The following EPS15L1 variants were observed in gnomAD, a reference collection of about 807,000 sequenced individuals.
EPS15L1 encodes the protein epidermal growth factor receptor pathway substrate 15 like 1, also known as epidermal growth factor receptor substrate 15-like 1.
In EPS15L1, 43 loss-of-function variants were observed where a neutral mutation model predicts 117.1. The ratio of observed to expected loss-of-function variants is 0.37; its 90% CI spans 0.29 to 0.47. The LOEUF (loss-of-function observed/expected upper bound fraction) is 0.47, where lower values mean the gene tolerates loss of function less well. EPS15L1 is among the 20% of genes least tolerant of loss of function. The pLI is 0.99. For synonymous variants in EPS15L1, 459 were observed against 470.5 expected, an observed-to-expected ratio of 0.98 and a Z score of 0.32; for missense variants, 981 against 1,164.0, an observed-to-expected ratio of 0.84 and a Z score of 2.29.
At chr19:16,460,686 C>T (rs2093240016) in intron 1 of EPS15L1, among the ~76,000 whole-genome samples, 2 of 152,222 alleles carry the variant, frequency 1.3e-5, no homozygotes, top group African/African-American at 4.8e-5. Context: ...CCAAAGCCAG[C>T]ACGGGGGTGC....
intron 16 of EPS15L1, chr19:16,400,855 CAACTTTTATCCAAGAA>C (rs2092593612): frequency 6.1e-6 from 6 of 985,326 alleles, no homozygotes; most frequent in Non-Finnish European, 7.2e-6. Flanking sequence ...ACTTCACTGC[CAACTTTTATCCAAGAA>C]AACCGGTTTC....
rs139694029 is a variant in EPS15L1, at chr19:16,377,150, A to C, written c.2352T>G (p.Pro784=). The C allele has an allele frequency of 1.4e-3, 2,217 of 1,608,920 alleles. 2 individuals carry two copies. Among genetic ancestry groups the C allele is most frequent in the Middle Eastern group, 2.3e-3 (14 of 6,020 alleles). ...TGGGCGGTTTAGGCCGTGGAGGAGCAGGTTTCTTCGGAGGCAGAGCAGGAG... is the reference window on the plus strand; with the variant it reads ...TGGGCGGTTTAGGCCGTGGAGGAGCCGGTTTCTTCGGAGGCAGAGCAGGAG... ...QDTPALPPKK[P]APPRPKPPSG... Residue 784 remains proline, a synonymous_variant, in exon 22 of 24, where the codon CCT becomes CCG. Coordinates refer to ENST00000455140, the MANE Select transcript of EPS15L1 (RefSeq NM_001258374.3).
At chr19:16,358,555 C>T (rs1476770199) in intron 23 of EPS15L1, among the ~76,000 whole-genome samples, 1 of 152,178 alleles carries the variant, frequency 6.6e-6, no homozygotes, top group African/African-American at 2.4e-5. Context: ...GGCATGACAC[C>T]ACCCTAGCCG....
At chr19:16,444,642 T>G (rs1178890800) in intron 1 of EPS15L1, among the ~76,000 whole-genome samples, 1 of 151,638 alleles carries the variant, frequency 6.6e-6, no homozygotes, top group East Asian at 1.9e-4. Context: ...GTTCACAGAC[T>G]CCAGAGGCCC....
Position 16,381,518 on chromosome 19 carries a change from G to C in EPS15L1, c.2247+3611C>G, listed in dbSNP as rs970596668. The stretch of plus-strand genomic sequence containing the variant: ...AGAGTGACAGAGCTCGGAAGGCTCC[G>C]GCAAGAAGGAAATGAGGTGCCATGT... On this transcript the variant is annotated intron_variant, in intron 21 of 23. Coordinates refer to ENST00000455140, the MANE Select transcript of EPS15L1 (RefSeq NM_001258374.3). This position sits in a 1 kb window ranked among gnomAD's most constrained non-coding sequence, Gnocchi z 4.2. 6.6e-6 allele frequency among the ~76,000 whole-genome samples: 1 copy of C among 152,156 alleles called. No homozygotes were observed. Among genetic ancestry groups the C allele is most frequent in the Admixed American group, 6.5e-5 (1 of 15,282 alleles).
chr19:16,391,673 A>G (rs1276076478), intron 19 of EPS15L1, among the ~76,000 whole-genome samples: 1 of 145,666 alleles, frequency 6.9e-6, no homozygotes, highest in Non-Finnish European at 1.5e-5. Context: ...TATTTAACCC[A>G]ATCTCTTGGG....
rs1426713069 is a variant in EPS15L1 at position 16,365,260 on chromosome 19, C to G, written c.2381-3276G>C. Among the ~76,000 whole-genome samples, 1 of 152,220 alleles carries G rather than the reference C, an allele frequency of 6.6e-6. No individual in the cohort carries two copies. Among genetic ancestry groups the G allele is most frequent in the Admixed American group, 6.5e-5 (1 of 15,288 alleles). ...ATCCAAACAAAGGGCTGTGTCCCCC[C>G]AACAATTGTTCATACGTTCAAGTCC... On this transcript the variant is annotated intron_variant, in intron 22 of 23. Transcript: ENST00000455140. The surrounding 1 kb of genome is among the most constrained non-coding windows in gnomAD (Gnocchi z 4.9).
chr19:16,460,922 A>C (rs1289687460), intron 1 of EPS15L1, among the ~76,000 whole-genome samples: 2 of 152,190 alleles, frequency 1.3e-5, no homozygotes, highest in Non-Finnish European at 2.9e-5. Flanking sequence ...TTCGTGTTTC[A>C]TCTTTCCCCT....
intron 18 of EPS15L1, among the ~76,000 whole-genome samples, chr19:16,393,117 A>ATAATAT (rs1384468897): frequency 6.6e-5 from 9 of 136,100 alleles, no homozygotes; most frequent in Non-Finnish European, 1.4e-4. Flanking sequence ...AATAATAATA[A>ATAATAT]TAATAATAAA....
At position 16,464,933 on chromosome 19, in the gene EPS15L1, G is replaced by A. The variant is rs957934472; in HGVS notation, c.33+6980C>T. The stretch of plus-strand genomic sequence containing the variant: ...TCTCTACTAAAAATACAAAAAATTA[G>A]CCAGGTGTGGTGGCGGGTGCCTGTA... On this transcript the variant is annotated intron_variant, in intron 1 of 23. Transcript: ENST00000455140. Among the ~76,000 whole-genome samples, 3 of 152,202 alleles carry A rather than the reference G, an allele frequency of 2.0e-5. 1 individual carries two copies. In the South Asian group the frequency reaches 6.2e-4, roughly 32 times the overall value.
chr19:16,401,220 C>T (rs2092597812), intron 16 of EPS15L1: 10 of 985,498 alleles, frequency 1.0e-5, no homozygotes, highest in Non-Finnish European at 1.1e-5. Context: ...GGGCCAGACA[C>T]AAGAGACAGA....
Position 16,428,500 on chromosome 19 carries a change from GGAGA to G in EPS15L1, c.558+198_558+201del, listed in dbSNP as rs1178688061. ...GGGAGAGAGGGAGGGAGGGAGGGAG[GGAGA>G]GAGAGAGAGAAAGAAAGTGAAAGAA... On this transcript the variant is annotated intron_variant, in intron 8 of 23. Transcript: ENST00000455140. Among the ~76,000 whole-genome samples, 20 of 109,114 alleles carry G rather than the reference GGAGA, an allele frequency of 1.8e-4. No individual in the cohort carries two copies. In the South Asian group the frequency reaches 3.5e-3, roughly 19 times the overall value. The allele number at this position is 109,114 out of a possible 152,430, so 71.6% of individuals were successfully genotyped here. A position where few individuals can be genotyped will look rare whatever the true frequency, so the allele number is the denominator to read the frequency against.
intron 3 of EPS15L1, chr19:16,441,135 C>T: frequency 1.7e-6 from 1 of 580,100 alleles, no homozygotes; most frequent in Non-Finnish European, 3.1e-6. Flanking sequence ...GCACTCAGCT[C>T]CCAAGCCAAT....
chr19:16,402,381 G>A lies in EPS15L1; in HGVS notation c.1731C>T (p.Thr577=), dbSNP rs772605278. 2.6e-5 allele frequency: 42 copies of A among 1,613,928 alleles called. 1 individual carries two copies. The highest frequency in any genetic ancestry group is 3.3e-4 in the Middle Eastern group (2 of 6,084). Residue 577 remains threonine, a synonymous_variant, in exon 16 of 24, where the codon ACC becomes ACT. Coordinates refer to ENST00000455140, the MANE Select transcript of EPS15L1 (RefSeq NM_001258374.3). ...VLDGAHGASL[T]DLANLSEGVS... Reference sequence around the variant, plus strand: ...CGCCTTCGCTCAGGTTGGCCAGGTCGGTCAGGCTGGCACCATGGGCTCCAT... The same window carrying A: ...CGCCTTCGCTCAGGTTGGCCAGGTCAGTCAGGCTGGCACCATGGGCTCCAT...
At chr19:16,412,974 A>G (rs547585162) in intron 13 of EPS15L1, 10 of 672,492 alleles carry the variant, frequency 1.5e-5, no homozygotes, top group Admixed American at 4.0e-5. Context: ...ATCTGAGATC[A>G]TTGACTTTTG....
Position 16,361,837 on chromosome 19 carries a change from G to T in EPS15L1, c.2528C>A (p.Pro843His). 1 of 1,614,028 alleles carries T rather than the reference G, an allele frequency of 6.2e-7. No individual in the cohort carries two copies. Among genetic ancestry groups the T allele is most frequent in the South Asian group, 1.1e-5 (1 of 91,050 alleles). ...DPFSGKDPFVPSSAAKPSKAS... is the reference protein window; with the variant it reads ...DPFSGKDPFVHSSAAKPSKAS... ...CTTAGAAGGTTTAGCTGCAGAGGAG[G>T]GGACAAATGGGTCTTTTCCACTAAA... The change falls in exon 23 of 24, where the codon CCC becomes CAC. Residue 843 changes from proline (P) to histidine (H), a missense_variant. Around this residue, in one of 5 missense-constraint regions of EPS15L1, gnomAD observed 819 missense variants for 949.0 expected, o/e 0.86. Transcript: ENST00000455140.
intron 7 of EPS15L1, among the ~76,000 whole-genome samples, chr19:16,429,018 A>C (rs2092904761): frequency 6.6e-6 from 1 of 152,114 alleles, no homozygotes; most frequent in African/African-American, 2.4e-5. Flanking sequence ...TAAAGGCTAT[A>C]CTTTAAACTT....
intron 1 of EPS15L1, among the ~76,000 whole-genome samples, chr19:16,451,349 G>A (rs2093140366): frequency 6.6e-6 from 1 of 152,106 alleles, no homozygotes; most frequent in African/African-American, 2.4e-5. Flanking sequence ...CAAATGCAAG[G>A]TGACATTTGC....
At chr19:16,429,548 C>T (rs549428701) in intron 7 of EPS15L1, among the ~76,000 whole-genome samples, 71 of 152,314 alleles carry the variant, frequency 4.7e-4, no homozygotes, top group Non-Finnish European at 7.5e-4. Flanking sequence ...TCTGCTGCTG[C>T]GCCCGAGGCT....
Sources: allele counts gnomAD v4.1 joint callset (sites outside exome capture counted in the v4.1 genomes callset), GRCh38; gene constraint gnomAD v4.1.1; regional missense constraint gnomAD v4.1.1; non-coding constraint Gnocchi (gnomAD v3.1); transcripts MANE v1.5; gene names NCBI Gene and HGNC (gene_info 2026-07-23, HGNC 2026-07-21).